ZFP90: variants seen among roughly 807,000 people sequenced by gnomAD.
ZFP90 encodes zinc finger protein 90 homolog.
In ZFP90, 38 loss-of-function variants were observed where a neutral mutation model predicts 60.8. That is an observed-to-expected ratio of 0.62 (90% CI 0.48 to 0.82). The LOEUF (loss-of-function observed/expected upper bound fraction) is 0.82, where lower values mean the gene tolerates loss of function less well. Among genes scored for constraint, ZFP90 ranks in the 40% least tolerant of loss-of-function variants. The pLI, the probability that ZFP90 is intolerant of heterozygous loss-of-function variation, is 0.00. For missense variants in ZFP90, 711 were observed against 759.1 expected (o/e 0.94, Z 0.74); for synonymous variants, 287 against 264.8 (o/e 1.08, Z -0.82).
chr16:68,573,321 G>T lies in ZFP90; in HGVS notation c.224-2470G>T, dbSNP rs2091577422. ...AGCTGGGATGAAGCTGGACCCAGGG[G>T]TGCCATCAGGGCAGGCCACAGGCTT... On this transcript the variant is annotated intron_variant, in intron 2 of 2. Transcript: ENST00000573113. Among the ~76,000 whole-genome samples the T allele has an allele frequency of 2.6e-5, 4 of 152,182 alleles. No individual in the cohort carries two copies. In the South Asian group the frequency reaches 8.3e-4, roughly 32 times the overall value.
intron 2 of ZFP90, among the ~76,000 whole-genome samples, chr16:68,545,135 G>A (rs1094281): frequency 2.6e-5 from 4 of 151,552 alleles, no homozygotes; most frequent in Non-Finnish European, 2.9e-5. Context: ...CGCCTCGGCC[G>A]CCCAAAGTGC....
intron 2 of ZFP90, among the ~76,000 whole-genome samples, chr16:68,544,507 G>A (rs2091110056): frequency 6.6e-6 from 1 of 152,184 alleles, no homozygotes; most frequent in Non-Finnish European, 1.5e-5. Context: ...TGTTAGAGAA[G>A]AGATTTCCTT....
intron 2 of ZFP90, among the ~76,000 whole-genome samples, chr16:68,572,610 C>T (rs2091573986): frequency 6.6e-6 from 1 of 152,124 alleles, no homozygotes; most frequent in South Asian, 2.1e-4. Flanking sequence ...GGAGATGGGC[C>T]TCATGCTCCT....
At chr16:68,568,899 G>T (rs905327318), downstream of ZFP90, among the ~76,000 whole-genome samples, 2 of 152,100 alleles carry the variant, frequency 1.3e-5, no homozygotes, top group African/African-American at 4.8e-5. Context: ...GGCTGGTTTC[G>T]AACTCCTGGC....
chr16:68,566,090 A>G lies in ZFP90; in HGVS notation c.*1392A>G, dbSNP rs1410344856. 4 of 978,612 alleles carry G rather than the reference A, an allele frequency of 4.1e-6. No individual in the cohort carries two copies. Among genetic ancestry groups the G allele is most frequent in the Non-Finnish European group, 4.9e-6 (4 of 823,998 alleles). 60.6% of individuals were successfully genotyped at this position (978,612 alleles called of 1,614,324 possible). ...AGAGACTGCAGTGAGCTGAGATCACACTACTGCATTCCAGCCTGAGCAACA... is the reference window on the plus strand; with the variant it reads ...AGAGACTGCAGTGAGCTGAGATCACGCTACTGCATTCCAGCCTGAGCAACA... On this transcript the variant is annotated 3_prime_UTR_variant, in exon 5 of 5. Coordinates refer to ENST00000563169, the MANE Select transcript of ZFP90 (RefSeq NM_001305203.2).
At chr16:68,562,145 T>C (rs1371689612) in intron 4 of ZFP90, 1 of 152,202 alleles carries the variant, frequency 6.6e-6, no homozygotes, top group African/African-American at 2.4e-5. Context: ...AGAATTCAAT[T>C]TTTTTCAGTT....
chr16:68,551,588 A>T (rs1567401808), intron 2 of ZFP90, among the ~76,000 whole-genome samples: 1 of 151,642 alleles, frequency 6.6e-6, no homozygotes, highest in Non-Finnish European at 1.5e-5. Flanking sequence ...ACGTCCAGCT[A>T]ATTGTATTTT....
chr16:68,564,273 C>T lies in ZFP90; in HGVS notation c.1486C>T (p.Pro496Ser). The stretch of plus-strand genomic sequence containing the variant: ...AGCTATTTCTCATCCTGGAGAGAAA[C>T]CCTATCAATGTAATGTATGTGGGAA... ...QQAISHPGEK[P>S]YQCNVCGKAF... The change falls in exon 5 of 5, where the codon CCC becomes TCC. Residue 496 changes from proline (P) to serine (S), a missense_variant. Pro to Ser is a moderately conservative substitution (Grantham distance 74, BLOSUM62 -1). Coordinates refer to ENST00000563169, the MANE Select transcript of ZFP90 (RefSeq NM_001305203.2). 4 of 1,614,074 alleles carry T rather than the reference C, an allele frequency of 2.5e-6. No individual in the cohort carries two copies. The highest frequency in any genetic ancestry group is 3.4e-6 in the Non-Finnish European group (4 of 1,180,012).
At chr16:68,567,820 C>T (rs1327851794), downstream of ZFP90, among the ~76,000 whole-genome samples, 1 of 152,224 alleles carries the variant, frequency 6.6e-6, no homozygotes, top group Non-Finnish European at 1.5e-5. Flanking sequence ...GCCAGAGCAT[C>T]TAGCGCACCT....
In ZFP90 at chr16:68,565,408, T is replaced by G. The variant is rs2091509854; in HGVS notation, c.*710T>G. The G allele has an allele frequency of 1.0e-6, 1 of 985,606 alleles. No individual in the cohort carries two copies. The highest frequency in any genetic ancestry group is 1.2e-6 in the Non-Finnish European group (1 of 829,936). The allele number at this position is 985,606 out of a possible 1,614,324, so 61.1% of individuals were successfully genotyped here. A position where few individuals can be genotyped will look rare whatever the true frequency, so the allele number is the denominator to read the frequency against. On this transcript the variant is annotated 3_prime_UTR_variant, in exon 5 of 5. Transcript: ENST00000563169. ...ATGGGCACCTATGGGTTGGACACTT[T>G]GAGAATTCTTAAAAGTATAAGTGGG...
chr16:68,546,048 G>A (rs952245708), intron 2 of ZFP90, among the ~76,000 whole-genome samples: 3 of 152,046 alleles, frequency 2.0e-5, no homozygotes, highest in East Asian at 3.9e-4. Flanking sequence ...GGAGGCACAC[G>A]CCTGTAATCC....
At chr16:68,537,741 T>G (rs2090972241), upstream of ZFP90, among the ~76,000 whole-genome samples, 1 of 151,934 alleles carries the variant, frequency 6.6e-6, no homozygotes, top group African/African-American at 2.4e-5. Flanking sequence ...AATGTTTGTA[T>G]TTTTTGTAGA....
rs543722913 is a variant in ZFP90 at position 68,539,567 on chromosome 16, C to T, written c.-36+88C>T. The T allele has an allele frequency of 5.0e-5, 27 of 540,400 alleles. No homozygotes were observed. In the East Asian group the frequency reaches 8.2e-4, roughly 16 times the overall value. The allele number at this position is 540,400 out of a possible 1,614,324, so 33.5% of individuals were successfully genotyped here. A position where few individuals can be genotyped will look rare whatever the true frequency, so the allele number is the denominator to read the frequency against. Reference sequence around the variant, plus strand: ...ACCCTGCGAAGGGGACTGGGCGTGGCCGGAGGGGGGTGTCCGGGAGGCCGC... The same window carrying T: ...ACCCTGCGAAGGGGACTGGGCGTGGTCGGAGGGGGGTGTCCGGGAGGCCGC... On this transcript the variant is annotated intron_variant, in intron 1 of 4. Coordinates refer to ENST00000563169, the MANE Select transcript of ZFP90 (RefSeq NM_001305203.2).
chr16:68,536,190 C>G (rs551281012), upstream of ZFP90, among the ~76,000 whole-genome samples: 87 of 152,352 alleles, frequency 5.7e-4, no homozygotes, highest in African/African-American at 2.0e-3. Flanking sequence ...TTTAAAACCT[C>G]TGCTCTCCTG....
chr16:68,565,752 G>A lies in ZFP90; in HGVS notation c.*1054G>A. 1.0e-6 allele frequency: 1 copy of A among 985,420 alleles called. No individual in the cohort carries two copies. The highest frequency in any genetic ancestry group is 1.2e-6 in the Non-Finnish European group (1 of 829,906). The allele number at this position is 985,420 out of a possible 1,614,324, so 61.0% of individuals were successfully genotyped here. A position where few individuals can be genotyped will look rare whatever the true frequency, so the allele number is the denominator to read the frequency against. ...GAAAAGTTAAGTCTAATTGCCCATT[G>A]CCATAAATTTTGCCTTGTACTCAGA... On this transcript the variant is annotated 3_prime_UTR_variant, in exon 5 of 5. Transcript: ENST00000563169.
Position 68,565,745 on chromosome 16 carries a change from G to A in ZFP90, c.*1047G>A, listed in dbSNP as rs1567413854. 2.0e-6 allele frequency: 2 copies of A among 985,208 alleles called. No homozygotes were observed. Among genetic ancestry groups the A allele is most frequent in the Non-Finnish European group, 1.2e-6 (1 of 829,892 alleles). The allele number at this position is 985,208 out of a possible 1,614,324, so 61.0% of individuals were successfully genotyped here. On this transcript the variant is annotated 3_prime_UTR_variant, in exon 5 of 5. Coordinates refer to ENST00000563169, the MANE Select transcript of ZFP90 (RefSeq NM_001305203.2). ...TCTTGCAGAAAAGTTAAGTCTAATT[G>A]CCCATTGCCATAAATTTTGCCTTGT...
At chr16:68,570,506 A>G (rs1468962872), downstream of ZFP90, among the ~76,000 whole-genome samples, 1 of 152,220 alleles carries the variant, frequency 6.6e-6, no homozygotes, top group African/African-American at 2.4e-5. Flanking sequence ...AAATCTCTGG[A>G]AAAGGGGTGG....
At chr16:68,533,983 A>G (rs949136335) in intron 2 of ZFP90, 1 of 152,136 alleles carries the variant, frequency 6.6e-6, no homozygotes, top group African/African-American at 2.4e-5. Context: ...CAGAATCTTT[A>G]TATCTTTAAT....
intron 4 of ZFP90, among the ~76,000 whole-genome samples, chr16:68,560,945 G>A (rs975026232): frequency 6.7e-6 from 1 of 148,180 alleles, no homozygotes; most frequent in Non-Finnish European, 1.5e-5. Context: ...ACAATGGCAT[G>A]ATGCAGTGGC....
Sources: gnomAD v4.1 joint callset for allele counts (sites outside exome capture counted in the v4.1 genomes callset) on GRCh38, gnomAD v4.1.1 for gene constraint, MANE v1.5 for transcripts, NCBI Gene and HGNC (gene_info 2026-07-23, HGNC 2026-07-21) for gene names.